The following LOXHD1 variants were observed in gnomAD, a reference collection of about 807,000 sequenced individuals.
LOXHD1 encodes lipoxygenase homology PLAT domains 1.
A neutral mutation model predicts 248.2 loss-of-function variants in LOXHD1; 205 were observed. The ratio of observed to expected loss-of-function variants is 0.83; its 90% CI spans 0.74 to 0.93. The LOEUF (loss-of-function observed/expected upper bound fraction) is 0.93. Ranked by LOEUF, LOXHD1 falls within the 40% of genes least tolerant of loss-of-function variation. The probability of loss-of-function intolerance (pLI) is 0.00; values close to 1 mark genes in which losing one functional copy is unlikely to be tolerated. For missense variants in LOXHD1, 2,930 were observed against 2,971.6 expected, an observed-to-expected ratio of 0.99 and a Z score of 0.33; for synonymous variants, 1,113 against 1,162.8, an observed-to-expected ratio of 0.96 and a Z score of 0.87.
intron 34 of LOXHD1, among the ~76,000 whole-genome samples, chr18:46,510,074 C>T (rs1399118360): frequency 1.3e-5 from 2 of 152,206 alleles, no homozygotes; most frequent in African/African-American, 4.8e-5. Flanking sequence ...CTCATTCTAC[C>T]AGTCACCTAG....
chr18:46,600,463 T>C (rs2144277333), intron 8 of LOXHD1, among the ~76,000 whole-genome samples: 1 of 152,200 alleles, frequency 6.6e-6, no homozygotes, highest in Admixed American at 6.5e-5. Context: ...CCAGGCATGG[T>C]GGTGCATGCC....
chr18:46,577,789 C>T lies in LOXHD1; in HGVS notation c.1888G>A (p.Gly630Ser), dbSNP rs898412705. 12 of 1,551,566 alleles carry T rather than the reference C, an allele frequency of 7.7e-6. No individual in the cohort carries two copies. The highest frequency in any genetic ancestry group is 6.8e-5 in the African/African-American group (5 of 73,030). ...ACTCTGTCCAGGTACCAGCCGCTGCCGGAGCCTTTGCCATCGTGTCTGATC... is the reference window on the plus strand; with the variant it reads ...ACTCTGTCCAGGTACCAGCCGCTGCTGGAGCCTTTGCCATCGTGTCTGATC... ...VRIRHDGKGS[G>S]SGWYLDRVLV... Residue 630 changes from glycine (G) to serine (S), a missense_variant, in exon 14 of 41, where the codon GGC becomes AGC. Coordinates refer to ENST00000642948, the MANE Select transcript of LOXHD1 (RefSeq NM_001384474.1).
chr18:46,535,095 G>A (rs975964007), intron 26 of LOXHD1, among the ~76,000 whole-genome samples: 3 of 152,010 alleles, frequency 2.0e-5, no homozygotes, highest in African/African-American at 7.2e-5. Context: ...CTTCATGACA[G>A]GCTCTTGTTG....
At chr18:46,534,992 C>G (rs76109071) in intron 26 of LOXHD1, among the ~76,000 whole-genome samples, 2 of 152,290 alleles carry the variant, frequency 1.3e-5, no homozygotes, top group South Asian at 2.1e-4. Flanking sequence ...TCTTCTTTAC[C>G]TAACCCATAC....
At chr18:46,509,556 T>A in intron 35 of LOXHD1, 142 bp downstream of exon 35, 2 of 723,598 alleles carry the variant, frequency 2.8e-6, no homozygotes, top group Non-Finnish European at 5.1e-6. Context: ...CCAAAGGGCA[T>A]ACTGGATCAT....
chr18:46,634,088 A>G (rs966204041), intron 4 of LOXHD1, among the ~76,000 whole-genome samples: 2 of 152,250 alleles, frequency 1.3e-5, no homozygotes, highest in African/African-American at 4.8e-5. Context: ...GTATATGCCC[A>G]AAAGAATTGA....
At chr18:46,527,636 C>T (rs528691320) in intron 29 of LOXHD1, among the ~76,000 whole-genome samples, 5 of 152,110 alleles carry the variant, frequency 3.3e-5, no homozygotes, top group Non-Finnish European at 7.4e-5. Context: ...AGTGTAGAGT[C>T]AGGGACAATC....
chr18:46,594,276 G>A, intron 9 of LOXHD1, 55 bp downstream of exon 9: 1 of 1,547,318 alleles, frequency 6.5e-7, no homozygotes, highest in Non-Finnish European at 8.7e-7. Context: ...CTGACATTCT[G>A]GCCTCTGCTG....
At chr18:46,616,052 C>T (rs1196727371) in intron 5 of LOXHD1, among the ~76,000 whole-genome samples, 1 of 152,096 alleles carries the variant, frequency 6.6e-6, no homozygotes, top group Admixed American at 6.6e-5. Context: ...TTTATTTCAT[C>T]CCATTTATTC....
At chr18:46,550,398 C>A (rs868473964) in intron 21 of LOXHD1, among the ~76,000 whole-genome samples, 1 of 151,172 alleles carries the variant, frequency 6.6e-6, no homozygotes, top group Non-Finnish European at 1.5e-5. Context: ...AAGGTGAAAC[C>A]CCGTCTCTAC....
intron 4 of LOXHD1, among the ~76,000 whole-genome samples, chr18:46,630,158 C>T (rs567862720): frequency 6.6e-6 from 1 of 152,324 alleles, no homozygotes; most frequent in South Asian, 2.1e-4. Flanking sequence ...TCTGCCAGTG[C>T]CTGAGTCTGA....
chr18:46,636,466 GA>G (rs559762220), intron 4 of LOXHD1, among the ~76,000 whole-genome samples: 124 of 152,308 alleles, frequency 8.1e-4, no homozygotes, highest in African/African-American at 3.0e-3. Flanking sequence ...TCCACTCGAC[GA>G]GGATCTGCCA....
chr18:46,506,121 G>T, intron 36 of LOXHD1, 98 bp from the exon 37 acceptor site: 4 of 1,329,250 alleles, frequency 3.0e-6, no homozygotes, highest in Non-Finnish European at 4.2e-6. Context: ...GGAGTCAGGG[G>T]TACAGGTGGA....
At chr18:46,561,829 G>A (rs1275805510) in intron 18 of LOXHD1, among the ~76,000 whole-genome samples, 1 of 152,186 alleles carries the variant, frequency 6.6e-6, no homozygotes. Flanking sequence ...CTTCTTCACG[G>A]CATTAGCTCT....
chr18:46,559,644 A>T lies in LOXHD1; in HGVS notation c.3062-42T>A, dbSNP rs1038006344. On this transcript the variant is annotated intron_variant, in intron 19 of 40. Transcript: ENST00000642948. ...ATGCAGTGTGGAGGGCCTCATGGCC[A>T]TGGGGTGTTTGGACCTGAGGCACAG... is the stretch of plus-strand genomic sequence containing the variant. 3.9e-6 allele frequency: 6 copies of T among 1,544,224 alleles called. No homozygotes were observed. The African/African-American group carries it at 6.8e-5, about 18-fold the overall frequency.
intron 9 of LOXHD1, 79 bp downstream of exon 9, chr18:46,594,251 CT>C: frequency 6.5e-7 from 1 of 1,527,924 alleles, no homozygotes; most frequent in East Asian, 2.5e-5. Context: ...GCCCTCATAG[CT>C]TTTGCCTAGT....
At chr18:46,559,746 AC>A in intron 19 of LOXHD1, 144 bp from the exon 20 acceptor site, 1 of 957,064 alleles carries the variant, frequency 1.0e-6, no homozygotes, top group South Asian at 1.7e-5. Context: ...GAAACTGCCC[AC>A]ACTCCCAACC....
chr18:46,492,177 T>C (rs1244044172), intron 37 of LOXHD1, among the ~76,000 whole-genome samples: 1 of 152,026 alleles, frequency 6.6e-6, no homozygotes, highest in Non-Finnish European at 1.5e-5. Flanking sequence ...TAGTAGAGAG[T>C]AGACAGCAGG....
At chr18:46,547,642 G>C (rs1224278713) in intron 21 of LOXHD1, among the ~76,000 whole-genome samples, 1 of 152,076 alleles carries the variant, frequency 6.6e-6, no homozygotes, top group Non-Finnish European at 1.5e-5. Flanking sequence ...CAGAGTGAAG[G>C]TAGGGCCAGG....
Sources: gnomAD v4.1 joint callset for allele counts (sites outside exome capture counted in the v4.1 genomes callset) on GRCh38, gnomAD v4.1.1 for gene constraint, MANE v1.5 for transcripts, NCBI Gene and HGNC (gene_info 2026-07-23, HGNC 2026-07-21) for gene names.